Variants in CEP104 observed in about 807,000 individuals in gnomAD.
The protein encoded by CEP104 is centrosomal protein of 104 kDa.
Under a neutral mutation model 113.3 loss-of-function variants are expected in CEP104, and 84 were observed. The ratio of observed to expected loss-of-function variants is 0.74; its 90% CI spans 0.62 to 0.89. The LOEUF is 0.89. Among genes scored for constraint, CEP104 ranks in the 40% least tolerant of loss-of-function variants. The pLI is 0.00. For synonymous variants in CEP104, 378 were observed against 421.7 expected (o/e 0.90, Z 1.27); for missense variants, 1,053 against 1,156.6 (o/e 0.91, Z 1.30).
chr1:3,845,041 C>A, intron 5 of CEP104, 58 bp from the exon 6 acceptor site: 1 of 1,370,974 alleles, frequency 7.3e-7, no homozygotes, highest in Non-Finnish European at 1.0e-6. Flanking sequence ...AACACAAAAC[C>A]TTAACTACAA....
intron 20 of CEP104, among the ~76,000 whole-genome samples, chr1:3,817,462 G>A (rs1643897049): frequency 6.6e-6 from 1 of 152,084 alleles, no homozygotes; most frequent in Non-Finnish European, 1.5e-5. Flanking sequence ...CTCACCAGTG[G>A]CTGTCAGTTT....
intron 1 of CEP104, among the ~76,000 whole-genome samples, 187 bp downstream of exon 1, chr1:3,856,702 C>G (rs1265240077): frequency 6.6e-6 from 1 of 152,162 alleles, no homozygotes; most frequent in Non-Finnish European, 1.5e-5. Flanking sequence ...ACGACGGGGC[C>G]GCGCCGGCTC....
chr1:3,818,194 G>A (rs1346811628), intron 20 of CEP104, among the ~76,000 whole-genome samples: 1 of 152,224 alleles, frequency 6.6e-6, no homozygotes, highest in African/African-American at 2.4e-5. Context: ...CGCCTGGTTT[G>A]CCTTCTTCCT....
At chr1:3,855,092 G>C (rs1351812802) in intron 1 of CEP104, among the ~76,000 whole-genome samples, 1 of 150,584 alleles carries the variant, frequency 6.6e-6, no homozygotes, top group Non-Finnish European at 1.5e-5. Context: ...GGCTGGTCTC[G>C]AACTCCTGAC....
At chr1:3,840,484 A>G (rs755714433) in intron 6 of CEP104, among the ~76,000 whole-genome samples, 1 of 152,128 alleles carries the variant, frequency 6.6e-6, no homozygotes, top group Non-Finnish European at 1.5e-5. Flanking sequence ...GTGATCCACC[A>G]GTCTCAGCCT....
At chr1:3,834,751 T>G (rs1173648349) in intron 11 of CEP104, among the ~76,000 whole-genome samples, 174 bp downstream of exon 11, 1 of 152,206 alleles carries the variant, frequency 6.6e-6, no homozygotes, top group African/African-American at 2.4e-5. Context: ...GTAAGATCAG[T>G]TGCACAGTAT....
Position 3,823,594 on chromosome 1 carries a change from G to T in CEP104, c.2365-32C>A. ...TTCGAAATACAGAGCAAAGCATGTT[G>T]CTGAGAAAGCGGCAGCGCCCTCCAG... On this transcript the variant is annotated intron_variant, in intron 18 of 21. Coordinates refer to ENST00000378230, the MANE Select transcript of CEP104 (RefSeq NM_014704.4). The surrounding 1 kb of genome is among the most constrained non-coding windows in gnomAD (Gnocchi z 4.1). The T allele has an allele frequency of 6.2e-7, 1 of 1,613,760 alleles. No individual in the cohort carries two copies. Among genetic ancestry groups the T allele is most frequent in the Non-Finnish European group, 8.5e-7 (1 of 1,179,852 alleles).
At chr1:3,844,824 C>A in intron 6 of CEP104, 83 bp downstream of exon 6, 1 of 1,179,964 alleles carries the variant, frequency 8.5e-7, no homozygotes, top group Non-Finnish European at 1.3e-6. Context: ...GGCTCTAAGT[C>A]CAGAATCCTT....
chr1:3,848,593 A>G lies in CEP104; in HGVS notation c.287+15T>C, dbSNP rs778462137. On this transcript the variant is annotated intron_variant, in intron 3 of 21. Transcript: ENST00000378230. The stretch of plus-strand genomic sequence containing the variant: ...CCTAAAAGCTGCCATGATACATTTT[A>G]AATTTCATTCTTACCCAAGTCTTCG... The G allele has an allele frequency of 5.0e-6, 8 of 1,595,238 alleles. No homozygotes were observed. The East Asian group carries it at 1.8e-4, about 36-fold the overall frequency.
chr1:3,853,012 T>C (rs1644646934), intron 1 of CEP104, among the ~76,000 whole-genome samples: 1 of 152,248 alleles, frequency 6.6e-6, no homozygotes, highest in African/African-American at 2.4e-5. Flanking sequence ...CATGCAGCCA[T>C]CTGACTTCTG....
At chr1:3,822,564 C>T (rs115044560) in intron 20 of CEP104, among the ~76,000 whole-genome samples, 71 of 152,300 alleles carry the variant, frequency 4.7e-4, no homozygotes, top group African/African-American at 1.7e-3. Flanking sequence ...AAGAGGGCAC[C>T]GCCAGCCCAT....
Position 3,848,793 on chromosome 1 carries a change from C to G in CEP104, c.114-12G>C, listed in dbSNP as rs1257553979. 1 of 1,603,948 alleles carries G rather than the reference C, an allele frequency of 6.2e-7. No homozygotes were observed. Among genetic ancestry groups the G allele is most frequent in the East Asian group, 2.2e-5 (1 of 44,806 alleles). ...GAAACTGGCAAAATCTGAAAGCAAA[C>G]ACATTTTTATATTTTCTGAACAACT... On this transcript the variant is annotated splice_polypyrimidine_tract_variant and intron_variant, in intron 2 of 21. Coordinates refer to ENST00000378230, the MANE Select transcript of CEP104 (RefSeq NM_014704.4).
At chr1:3,846,086 C>CAAAAA (rs5772127) in intron 4 of CEP104, among the ~76,000 whole-genome samples, 19 of 95,118 alleles carry the variant, frequency 2.0e-4, no homozygotes, top group East Asian at 9.5e-4. Flanking sequence ...AACTCCGTCT[C>CAAAAA]AAAAAAAAAA....
At chr1:3,845,049 C>T in intron 5 of CEP104, 66 bp from the exon 6 acceptor site, 1 of 1,325,270 alleles carries the variant, frequency 7.5e-7, no homozygotes, top group Non-Finnish European at 1.1e-6. Context: ...ACCTTAACTA[C>T]AAGATTTATT....
Position 3,819,131 on chromosome 1 carries a change from T to C in CEP104, c.2572-2761A>G, listed in dbSNP as rs1006673337. ...AGGACTTTAAAGCAGATACCTAGTA[T>C]GTTCAAGGACTTGAACGTGCAATGA... On this transcript the variant is annotated intron_variant, in intron 20 of 21. Coordinates refer to ENST00000378230, the MANE Select transcript of CEP104 (RefSeq NM_014704.4). The surrounding 1 kb of genome is among the most constrained non-coding windows in gnomAD (Gnocchi z 4.6). Among the ~76,000 whole-genome samples, 2 of 152,230 alleles carry C rather than the reference T, an allele frequency of 1.3e-5. No individual in the cohort carries two copies. Among genetic ancestry groups the C allele is most frequent in the Non-Finnish European group, 2.9e-5 (2 of 68,046 alleles).
At chr1:3,843,471 T>C (rs1283187211) in intron 6 of CEP104, 1 of 456,930 alleles carries the variant, frequency 2.2e-6, no homozygotes. Flanking sequence ...CCTGCCTCAA[T>C]TTCCTGAGTA....
chr1:3,840,009 T>C (rs1171346206), intron 6 of CEP104, among the ~76,000 whole-genome samples: 1 of 152,208 alleles, frequency 6.6e-6, no homozygotes, highest in African/African-American at 2.4e-5. Context: ...TGGACCAAAC[T>C]GCACTTCAGG....
intron 2 of CEP104, among the ~76,000 whole-genome samples, chr1:3,851,613 A>C (rs1227603917): frequency 6.6e-6 from 1 of 152,102 alleles, no homozygotes; most frequent in East Asian, 1.9e-4. Flanking sequence ...AGGCAAAAAG[A>C]CTTCAATGTT....
rs748156107 is a variant in CEP104 at position 3,835,062 on chromosome 1, A to G, written c.1348T>C (p.Tyr450His). 9.3e-6 allele frequency: 15 copies of G among 1,614,038 alleles called. No homozygotes were observed. Among genetic ancestry groups the G allele is most frequent in the Non-Finnish European group, 1.3e-5 (15 of 1,179,954 alleles). ...AAGGCAAGCAGTGCATCCTCTCGGTAGGACCACGTCTTACAATAGGCCTCA... is the reference window on the plus strand; with the variant it reads ...AAGGCAAGCAGTGCATCCTCTCGGTGGGACCACGTCTTACAATAGGCCTCA... ...VAEAYCKTWS[Y>H]REDALLALSK... Residue 450 changes from tyrosine (Y) to histidine (H), a missense_variant, in exon 11 of 22, where the codon TAC (tyrosine) becomes CAC (histidine). Transcript: ENST00000378230.
Sources: gnomAD v4.1 joint callset for allele counts (sites outside exome capture counted in the v4.1 genomes callset) on GRCh38, gnomAD v4.1.1 for gene constraint, Gnocchi (gnomAD v3.1) non-coding constraint, MANE v1.5 for transcripts, NCBI Gene and HGNC (gene_info 2026-07-23, HGNC 2026-07-21) for gene names.